Variants in MMP11 observed in about 807,000 individuals in gnomAD.
MMP11 encodes the protein stromelysin-3.
In MMP11, 26 loss-of-function variants were observed where a neutral mutation model predicts 49.5. That is an observed-to-expected ratio of 0.52 (90% confidence interval 0.38 to 0.73). The LOEUF (loss-of-function observed/expected upper bound fraction) is 0.73, where lower values mean the gene tolerates loss of function less well. Ranked by LOEUF, MMP11 falls within the 30% of genes least tolerant of loss-of-function variation. MMP11 has a pLI of 0.00. For missense variants in MMP11, 624 were observed against 671.2 expected, an observed-to-expected ratio of 0.93 and a Z score of 0.78; for synonymous variants, 265 against 282.3, an observed-to-expected ratio of 0.94 and a Z score of 0.62.
Position 23,782,462 on chromosome 22 carries a change from G to A in MMP11, c.1312G>A (p.Ala438Thr), listed in dbSNP as rs755460312. Residue 438 changes from alanine to threonine, a missense_variant, in exon 7 of 8, where the codon GCT (alanine) becomes ACT (threonine). Ala to Thr is a moderately conservative substitution (Grantham distance 58). Coordinates refer to ENST00000215743, the MANE Select transcript of MMP11 (RefSeq NM_005940.5). Reference sequence around the variant, plus strand: ...GAGAGGGGTGCCCTCTGAGATCGACGCTGCCTTCCAGGATGCTGATGGTGC... The same window carrying A: ...GAGAGGGGTGCCCTCTGAGATCGACACTGCCTTCCAGGATGCTGATGGTGC... ...DWRGVPSEID[A>T]AFQDADGYAY... 14 of 1,611,396 alleles carry A rather than the reference G, an allele frequency of 8.7e-6. No individual in the cohort carries two copies. Among genetic ancestry groups the A allele is most frequent in the Admixed American group, 1.7e-5 (1 of 59,888 alleles).
At chr22:23,779,438 A>C (rs747409414) in intron 2 of MMP11, 22 bp downstream of exon 2, 12 of 1,586,574 alleles carry the variant, frequency 7.6e-6, no homozygotes, top group Non-Finnish European at 1.0e-5. Context: ...GGAGCAGGAC[A>C]CTAGGATGCC....
rs1927609855 is a variant in MMP11 at position 23,781,112 on chromosome 22, C to T, written c.858+12C>T. On this transcript the variant is annotated intron_variant, in intron 5 of 7. Coordinates refer to ENST00000215743, the MANE Select transcript of MMP11 (RefSeq NM_005940.5). ...TTGCACCGCTGGAGGTGAGGCCCTG[C>T]CTGCCAGTCCCCCTACTCCTCTGCT... 3.1e-6 allele frequency: 5 copies of T among 1,606,296 alleles called. No homozygotes were observed. The highest frequency in any genetic ancestry group is 4.2e-6 in the Non-Finnish European group (5 of 1,178,972).
Position 23,780,534 on chromosome 22 carries a change from C to G in MMP11, c.482+32C>G, listed in dbSNP as rs200738409. ...GGGCGGCCTGGGACCCCTCCGGGAA[C>G]AGCCTCGCCTGCCAGCAGCCACTGA... On this transcript the variant is annotated intron_variant, in intron 3 of 7. Transcript: ENST00000215743. This position sits in a 1 kb window ranked among gnomAD's most constrained non-coding sequence, Gnocchi z 4.6. 12 of 1,612,580 alleles carry G rather than the reference C, an allele frequency of 7.4e-6. No homozygotes were observed. Among genetic ancestry groups the G allele is most frequent in the Non-Finnish European group, 1.0e-5 (12 of 1,179,456 alleles).
chr22:23,775,423 G>T (rs116075914), intron 1 of MMP11, among the ~76,000 whole-genome samples: 1 of 152,224 alleles, frequency 6.6e-6, no homozygotes, highest in Non-Finnish European at 1.5e-5. Context: ...GTGCCTTGTA[G>T]TTAGGGCATC....
chr22:23,780,753 G>A lies in MMP11; in HGVS notation c.616+38G>A, dbSNP rs377347716. ...GACCCATTTTCCAGATGGGGCAACC[G>A]AAGATCATAAAGAATGGGGACTCGC... is the stretch of plus-strand genomic sequence containing the variant. On this transcript the variant is annotated intron_variant, in intron 4 of 7. Coordinates refer to ENST00000215743, the MANE Select transcript of MMP11 (RefSeq NM_005940.5). This position sits in a 1 kb window ranked among gnomAD's most constrained non-coding sequence, Gnocchi z 4.6. The A allele has an allele frequency of 6.6e-5, 103 of 1,550,430 alleles. No homozygotes were observed. The highest frequency in any genetic ancestry group is 8.3e-5 in the Non-Finnish European group (96 of 1,149,946).
Position 23,781,419 on chromosome 22 carries a change from G to C in MMP11, c.1075+10G>C. The C allele has an allele frequency of 6.3e-7, 1 of 1,585,924 alleles. No individual in the cohort carries two copies. The highest frequency in any genetic ancestry group is 8.6e-7 in the Non-Finnish European group (1 of 1,165,384). On this transcript the variant is annotated intron_variant, in intron 6 of 7. Transcript: ENST00000215743. ...ATTTGGTTCTTCCAAGGTGAGTGGG[G>C]GTTGGGGATCTGCTCGAGAGACTTC...
At chr22:23,773,824 C>G (rs1455672996) in intron 1 of MMP11, among the ~76,000 whole-genome samples, 1 of 152,160 alleles carries the variant, frequency 6.6e-6, no homozygotes, top group Admixed American at 6.5e-5. Context: ...CCAGACAGCT[C>G]GGGCAGGGAA....
intron 1 of MMP11, among the ~76,000 whole-genome samples, chr22:23,775,779 G>C (rs1927390686): frequency 6.6e-6 from 1 of 152,200 alleles, no homozygotes; most frequent in Non-Finnish European, 1.5e-5. Flanking sequence ...GTAGCTAGAG[G>C]GGCGGTGGGT....
At chr22:23,779,948 G>A in intron 2 of MMP11, 1 of 261,222 alleles carries the variant, frequency 3.8e-6, no homozygotes, top group South Asian at 6.3e-5. Flanking sequence ...CACACATCCT[G>A]CGGGTGGGGA....
chr22:23,777,496 G>C (rs1023019120), intron 1 of MMP11: 1 of 151,926 alleles, frequency 6.6e-6, no homozygotes, highest in Non-Finnish European at 1.5e-5. Context: ...GAACCCGGAA[G>C]GCGGTGGTTG....
rs1927566410 is a variant in MMP11, at chr22:23,780,252, GTCCTGAGTGTTCACACACCC to G, written c.339-106_339-87del. On this transcript the variant is annotated intron_variant, in intron 2 of 7. Transcript: ENST00000215743. This position sits in a 1 kb window ranked among gnomAD's most constrained non-coding sequence, Gnocchi z 4.6. The stretch of plus-strand genomic sequence containing the variant: ...GAGGCCCAGAGTACACCTGGCCTGT[GTCCTGAGTGTTCACACACCC>G]ACCAAGCATCCAGGGGCAACTCCTG... 3 of 1,410,836 alleles carry G rather than the reference GTCCTGAGTGTTCACACACCC, an allele frequency of 2.1e-6. No homozygotes were observed. The African/African-American group carries it at 4.3e-5, about 20-fold the overall frequency. 87.4% of individuals were successfully genotyped at this position (1,410,836 alleles called of 1,614,324 possible). A position where few individuals can be genotyped will look rare whatever the true frequency, so the allele number is the denominator to read the frequency against.
Position 23,784,231 on chromosome 22 carries a change from G to A in MMP11, c.*687G>A, listed in dbSNP as rs1328029097. The A allele has an allele frequency of 6.5e-6, 1 of 153,308 alleles. No homozygotes were observed. The highest frequency in any genetic ancestry group is 1.5e-5 in the Non-Finnish European group (1 of 68,800). The allele number at this position is 153,308 out of a possible 1,614,324, so 9.5% of individuals were successfully genotyped here. A position where few individuals can be genotyped will look rare whatever the true frequency, so the allele number is the denominator to read the frequency against. Reference sequence around the variant, plus strand: ...AGCACTGCTATCCTCCAAAGCCATTGTAAATGTGTGTACAGTGTGTATAAA... The same window carrying A: ...AGCACTGCTATCCTCCAAAGCCATTATAAATGTGTGTACAGTGTGTATAAA... On this transcript the variant is annotated 3_prime_UTR_variant, in exon 8 of 8. Transcript: ENST00000215743.
At position 23,783,516 on chromosome 22, in the gene MMP11, G is replaced by A; in HGVS notation, c.1439G>A (p.Cys480Tyr). 3 of 1,614,228 alleles carry A rather than the reference G, an allele frequency of 1.9e-6. No homozygotes were observed. The highest frequency in any genetic ancestry group is 2.5e-6 in the Non-Finnish European group (3 of 1,180,028). ...PRLVGPDFFG[C>Y]AEPANTFL ...CTCGTGGGTCCTGACTTCTTTGGCT[G>A]TGCCGAGCCTGCCAACACTTTCCTC... The change falls in exon 8 of 8, where the codon TGT (cysteine) becomes TAT (tyrosine). Residue 480 changes from cysteine (C) to tyrosine (Y), a missense_variant. Transcript: ENST00000215743.
chr22:23,782,516 G>T, intron 7 of MMP11, 33 bp downstream of exon 7: 1 of 1,577,904 alleles, frequency 6.3e-7, no homozygotes. Flanking sequence ...GGTGGGAGGT[G>T]GGCACAGCAG....
At chr22:23,782,630 G>T in intron 7 of MMP11, 147 bp downstream of exon 7, 1 of 1,005,420 alleles carries the variant, frequency 9.9e-7, no homozygotes, top group Non-Finnish European at 1.4e-6. Flanking sequence ...CCTCCTCTCG[G>T]TGGCCGGCTA....
chr22:23,779,323 T>G lies in MMP11; in HGVS notation c.245T>G (p.Val82Gly), dbSNP rs1460356517. The change falls in exon 2 of 8, where the codon GTG (valine) becomes GGG (glycine). Residue 82 changes from valine to glycine, a missense_variant. Val to Gly is a moderately radical substitution (Grantham distance 109). Transcript: ENST00000215743. ...AGCCTCAGGCCTCCCCGCTGTGGCG[T>G]GCCCGACCCATCTGATGGGCTGAGT... Reference protein sequence around the residue: ...ASSLRPPRCGVPDPSDGLSAR... With the variant: ...ASSLRPPRCGGPDPSDGLSAR... 11 of 1,612,680 alleles carry G rather than the reference T, an allele frequency of 6.8e-6. No individual in the cohort carries two copies. Among genetic ancestry groups the G allele is most frequent in the Non-Finnish European group, 8.5e-6 (10 of 1,179,866 alleles).
rs1927588998 is a variant in MMP11, at chr22:23,780,739, C to T, written c.616+24C>T. ...GGGTATGGGCTGGGGACCCATTTTC[C>T]AGATGGGGCAACCGAAGATCATAAA... On this transcript the variant is annotated intron_variant, in intron 4 of 7. Transcript: ENST00000215743. The surrounding 1 kb of genome is among the most constrained non-coding windows in gnomAD (Gnocchi z 4.6). 3 of 1,545,990 alleles carry T rather than the reference C, an allele frequency of 1.9e-6. No individual in the cohort carries two copies. The highest frequency in any genetic ancestry group is 2.0e-5 in the Admixed American group (1 of 51,206).
intron 2 of MMP11, chr22:23,779,972 A>C (rs926857200): frequency 7.3e-6 from 2 of 272,538 alleles, no homozygotes; most frequent in Non-Finnish European, 1.4e-5. Flanking sequence ...AGCCTGAAGA[A>C]TGGGCTGGTG....
rs1450264281 is a variant in MMP11 at position 23,779,167 on chromosome 22, C to G, written c.109-20C>G. On this transcript the variant is annotated intron_variant, in intron 1 of 7. Coordinates refer to ENST00000215743, the MANE Select transcript of MMP11 (RefSeq NM_005940.5). Reference sequence around the variant, plus strand: ...TGGACCTTAGGCCTGACCAGACCCTCATGTCATCCTCCTGCCTAGGACGCC... The same window carrying G: ...TGGACCTTAGGCCTGACCAGACCCTGATGTCATCCTCCTGCCTAGGACGCC... 1 of 1,553,294 alleles carries G rather than the reference C, an allele frequency of 6.4e-7. No individual in the cohort carries two copies. Among genetic ancestry groups the G allele is most frequent in the Admixed American group, 1.8e-5 (1 of 54,306 alleles).
Sources: gnomAD v4.1 joint callset for allele counts (sites outside exome capture counted in the v4.1 genomes callset) on GRCh38, gnomAD v4.1.1 for gene constraint, Gnocchi (gnomAD v3.1) non-coding constraint, MANE v1.5 for transcripts, NCBI Gene and HGNC (gene_info 2026-07-23, HGNC 2026-07-21) for gene names.